The following TAF3 variants were observed in gnomAD, a reference collection of about 807,000 sequenced individuals.
TAF3 encodes the protein transcription initiation factor TFIID subunit 3.
Under a neutral mutation model 80.6 loss-of-function variants are expected in TAF3, and 7 were observed. The ratio of observed to expected loss-of-function variants is 0.09; its 90% CI spans 0.05 to 0.16. The LOEUF is 0.16. Ranked by LOEUF, TAF3 falls within the 10% of genes least tolerant of loss-of-function variation. The pLI is 1.00. For synonymous variants in TAF3, 444 were observed against 446.1 expected (o/e 1.00, Z 0.06); for missense variants, 921 against 1,140.2 (o/e 0.81, Z 2.77).
chr10:7,909,145 G>A (rs188981641), intron 2 of TAF3, among the ~76,000 whole-genome samples: 1 of 152,346 alleles, frequency 6.6e-6, no homozygotes, highest in East Asian at 1.9e-4. Flanking sequence ...CCAAGTGTGG[G>A]CCTCTGACCT....
At chr10:8,013,913 G>A (rs10795586) in intron 6 of TAF3, 76 bp downstream of exon 6, 72,851 of 1,241,348 alleles carry the variant, frequency 0.059, 5,466 homozygotes, top group African/African-American at 0.29. Context: ...CATCCACTGA[G>A]TAGATTCCTG....
At chr10:7,846,110 C>T (rs563557357) in intron 2 of TAF3, among the ~76,000 whole-genome samples, 2 of 152,066 alleles carry the variant, frequency 1.3e-5, no homozygotes, top group African/African-American at 2.4e-5. Context: ...AGGCGCCCGC[C>T]ACCACGCCTA....
chr10:7,850,560 C>G (rs1314037606), intron 2 of TAF3, among the ~76,000 whole-genome samples: 5 of 151,902 alleles, frequency 3.3e-5, no homozygotes, highest in African/African-American at 1.2e-4. Context: ...CATGTAATCC[C>G]AGCTGCTTGG....
chr10:7,957,792 G>GCTAT (rs373350330), intron 2 of TAF3, among the ~76,000 whole-genome samples: 1 of 134,288 alleles, frequency 7.4e-6, no homozygotes, highest in Non-Finnish European at 1.6e-5. Context: ...TCTCTCTAGC[G>GCTAT]CGCTCTCTCT....
chr10:7,892,840 G>C (rs1029428387), intron 2 of TAF3, among the ~76,000 whole-genome samples: 1 of 143,018 alleles, frequency 7.0e-6, no homozygotes, highest in African/African-American at 2.6e-5. Context: ...TTTTTGAGAC[G>C]GAGTTTCTCT....
intron 2 of TAF3, among the ~76,000 whole-genome samples, chr10:7,921,549 A>G (rs1029576875): frequency 6.6e-6 from 1 of 152,202 alleles, no homozygotes; most frequent in Non-Finnish European, 1.5e-5. Flanking sequence ...TAAATAATAC[A>G]TAGCTCCTAG....
intron 2 of TAF3, among the ~76,000 whole-genome samples, chr10:7,954,678 T>C (rs1370277186): frequency 7.2e-6 from 1 of 138,864 alleles, no homozygotes; most frequent in Non-Finnish European, 1.6e-5. Flanking sequence ...AGTGGATTAG[T>C]CCTAGTTAAC....
intron 1 of TAF3, 140 bp downstream of exon 1, chr10:7,819,015 C>T (rs1329936412): frequency 3.4e-6 from 3 of 878,850 alleles, no homozygotes; most frequent in African/African-American, 1.8e-5. Context: ...CTCCCACGTC[C>T]CTGGGCTTCC....
chr10:7,828,434 G>A (rs1287802696), intron 2 of TAF3, among the ~76,000 whole-genome samples: 1 of 152,166 alleles, frequency 6.6e-6, no homozygotes, highest in Non-Finnish European at 1.5e-5. Context: ...TATATGTTTA[G>A]AAGTGAGACC....
chr10:7,995,711 T>A (rs1371915324), intron 4 of TAF3, among the ~76,000 whole-genome samples: 1 of 152,212 alleles, frequency 6.6e-6, no homozygotes, highest in Non-Finnish European at 1.5e-5. Flanking sequence ...TGCTACTTGA[T>A]ATGTACTTGA....
intron 2 of TAF3, among the ~76,000 whole-genome samples, chr10:7,891,529 A>G (rs1227198539): frequency 1.3e-5 from 2 of 152,198 alleles, no homozygotes; most frequent in Non-Finnish European, 2.9e-5. Flanking sequence ...ACTTACAGCA[A>G]ATTTTTTGAA....
chr10:7,829,375 G>A (rs1002174061), intron 2 of TAF3, among the ~76,000 whole-genome samples: 10 of 152,104 alleles, frequency 6.6e-5, no homozygotes, highest in African/African-American at 2.4e-4. Flanking sequence ...TTTACTGGAT[G>A]TCCTTTTTCT....
chr10:7,867,896 G>A (rs185213917), intron 2 of TAF3, among the ~76,000 whole-genome samples: 31 of 152,186 alleles, frequency 2.0e-4, no homozygotes, highest in African/African-American at 6.3e-4. Flanking sequence ...CGATTAACAC[G>A]TATTTCGTAT....
At chr10:7,915,075 G>C (rs1208661435) in intron 2 of TAF3, among the ~76,000 whole-genome samples, 1 of 151,122 alleles carries the variant, frequency 6.6e-6, no homozygotes, top group African/African-American at 2.4e-5. Context: ...TGAGTAGCTG[G>C]GACTACAGGT....
At position 7,904,849 on chromosome 10, in the gene TAF3, A is replaced by C. The variant is rs144412555; in HGVS notation, c.410-59071A>C. Among the ~76,000 whole-genome samples the C allele has an allele frequency of 3.7e-3, 561 of 152,208 alleles. 4 individuals carry two copies. Among genetic ancestry groups the C allele is most frequent in the South Asian group, 0.02 (94 of 4,818 alleles). ...GGGCCGACCGTAACTGGCTGAGCTC[A>C]TGGAAGCTGGCTGTGCTCCCTTTAG... On this transcript the variant is annotated intron_variant, in intron 2 of 6. Transcript: ENST00000344293.
intron 2 of TAF3, among the ~76,000 whole-genome samples, chr10:7,883,533 C>G (rs1199700964): frequency 6.6e-6 from 1 of 152,152 alleles, no homozygotes; most frequent in Non-Finnish European, 1.5e-5. Flanking sequence ...TGGAGAGATA[C>G]TTTGAGACTA....
intron 2 of TAF3, among the ~76,000 whole-genome samples, chr10:7,957,630 A>T (rs770715467): frequency 4.0e-4 from 61 of 151,686 alleles, no homozygotes; most frequent in Middle Eastern, 3.4e-3. Context: ...AATTTTTTAA[A>T]TTTTTTTTTC....
intron 3 of TAF3, among the ~76,000 whole-genome samples, chr10:7,975,381 C>T (rs773109091): frequency 1.3e-5 from 2 of 152,144 alleles, no homozygotes; most frequent in East Asian, 1.9e-4. Flanking sequence ...TATCTTAAGA[C>T]TTACTAGGGT....
At chr10:7,928,461 A>C (rs953760961) in intron 2 of TAF3, among the ~76,000 whole-genome samples, 1 of 152,194 alleles carries the variant, frequency 6.6e-6, no homozygotes, top group Non-Finnish European at 1.5e-5. Context: ...GCATTTATGG[A>C]AATCTTCAAA....
Sources: gnomAD v4.1 joint callset for allele counts (sites outside exome capture counted in the v4.1 genomes callset) on GRCh38, gnomAD v4.1.1 for gene constraint, MANE v1.5 for transcripts, NCBI Gene and HGNC (gene_info 2026-07-23, HGNC 2026-07-21) for gene names.